The following CMSS1 variants were observed in gnomAD, a reference collection of about 807,000 sequenced individuals.
CMSS1 encodes cms1 ribosomal small subunit homolog, also known as protein CMSS1.
Under a neutral mutation model 43.5 loss-of-function variants are expected in CMSS1, and 33 were observed. The ratio of observed to expected loss-of-function variants is 0.76; its 90% CI spans 0.57 to 1.01. The LOEUF (loss-of-function observed/expected upper bound fraction) is 1.01, where lower values mean the gene tolerates loss of function less well. CMSS1 is among the 50% of genes least tolerant of loss of function. The pLI is 0.00. For missense variants in CMSS1, 313 were observed against 326.4 expected (o/e 0.96, Z 0.32); for synonymous variants, 115 against 117.2 (o/e 0.98, Z 0.12).
chr3:99,957,114 G>A (rs2107696478), intron 1 of CMSS1, among the ~76,000 whole-genome samples: 1 of 152,194 alleles, frequency 6.6e-6, no homozygotes, highest in Non-Finnish European at 1.5e-5. Flanking sequence ...GTTTATGTTT[G>A]TACATTTATT....
At chr3:100,072,448 A>G (rs1326140561) in intron 1 of CMSS1, among the ~76,000 whole-genome samples, 2 of 152,160 alleles carry the variant, frequency 1.3e-5, no homozygotes, top group Non-Finnish European at 2.9e-5. Context: ...CCCTTTCTAG[A>G]TGGCCCTTAA....
At chr3:100,063,538 C>T (rs1404801323) in intron 1 of CMSS1, among the ~76,000 whole-genome samples, 2 of 152,156 alleles carry the variant, frequency 1.3e-5, no homozygotes, top group African/African-American at 4.8e-5. Flanking sequence ...GGCTCCTAAG[C>T]TTCCATCCCA....
At position 100,070,820 on chromosome 3, in the gene CMSS1, C is replaced by T. The variant is rs553970383; in HGVS notation, c.65-76153C>T. Among the ~76,000 whole-genome samples, 15 of 152,042 alleles carry T rather than the reference C, an allele frequency of 9.9e-5. No homozygotes were observed. The South Asian group carries it at 2.3e-3, about 23-fold the overall frequency. ...CTAATTTTGTATTTTTAGTAGAGAC[C>T]GGGTCTCACCATGTTGGCCAGGATA... is the stretch of plus-strand genomic sequence containing the variant. On this transcript the variant is annotated intron_variant, in intron 1 of 9. Transcript: ENST00000421999.
chr3:99,935,718 G>C (rs575944151), intron 1 of CMSS1, among the ~76,000 whole-genome samples: 1 of 152,290 alleles, frequency 6.6e-6, no homozygotes, highest in Non-Finnish European at 1.5e-5. Flanking sequence ...GGGACTCTCT[G>C]TTGTCTTGTA....
chr3:100,172,340 G>C lies in CMSS1; in HGVS notation c.604G>C (p.Glu202Gln). The change falls in exon 8 of 10, where the codon GAG becomes CAG. Residue 202 changes from glutamate to glutamine, a missense_variant. Transcript: ENST00000421999. The stretch of plus-strand genomic sequence containing the variant: ...GGTCCAGGCGCAGGTAAAGTTGCTG[G>C]AGAAGCGTGTGGTGCACCTGGGTGT... ...IKVQAQVKLL[E>Q]KRVVHLGVGT... The C allele has an allele frequency of 6.2e-7, 1 of 1,613,894 alleles. No homozygotes were observed. Among genetic ancestry groups the C allele is most frequent in the Non-Finnish European group, 8.5e-7 (1 of 1,179,892 alleles).
rs201896358 is a variant in CMSS1 at position 99,849,593 on chromosome 3, T to C, written c.64+31550T>C. On this transcript the variant is annotated intron_variant, in intron 1 of 9. Coordinates refer to ENST00000421999, the MANE Select transcript of CMSS1 (RefSeq NM_032359.4). ...TTGAAAAGCCATTGTTCATGGCTGG[T>C]CTCTGTCTTTTCTGCTAACTTGTAC... 613 of 1,613,508 alleles carry C rather than the reference T, an allele frequency of 3.8e-4. 2 individuals are homozygous for C. The African/African-American group carries it at 7.2e-3, about 19-fold the overall frequency.
intron 1 of CMSS1, among the ~76,000 whole-genome samples, chr3:99,975,102 C>T (rs1232453804): frequency 6.6e-6 from 1 of 152,198 alleles, no homozygotes; most frequent in African/African-American, 2.4e-5. Context: ...CTAGATTAAG[C>T]CCAGTGAAGT....
intron 1 of CMSS1, among the ~76,000 whole-genome samples, chr3:99,881,056 G>A (rs1225499624): frequency 6.6e-6 from 1 of 152,080 alleles, no homozygotes; most frequent in Non-Finnish European, 1.5e-5. Flanking sequence ...CATTGCCACG[G>A]TCTTGTTCCT....
chr3:100,014,460 A>G (rs1440838855), intron 1 of CMSS1, among the ~76,000 whole-genome samples: 1 of 152,118 alleles, frequency 6.6e-6, no homozygotes, highest in Admixed American at 6.5e-5. Context: ...ATTCCCACCA[A>G]CAGTGTATAA....
chr3:99,850,604 T>A, intron 1 of CMSS1: 2 of 1,613,884 alleles, frequency 1.2e-6, no homozygotes, highest in Non-Finnish European at 1.7e-6. Flanking sequence ...CCCTTACTGA[T>A]TTTTTCTTTT....
At chr3:99,902,384 C>T (rs903734143) in intron 1 of CMSS1, among the ~76,000 whole-genome samples, 3 of 152,210 alleles carry the variant, frequency 2.0e-5, no homozygotes, top group Middle Eastern at 3.4e-3. Context: ...CTCATTTGCT[C>T]ATGTTTTACA....
At chr3:100,165,494 T>TA (rs2067058659) in intron 4 of CMSS1, among the ~76,000 whole-genome samples, 1 of 152,156 alleles carries the variant, frequency 6.6e-6, no homozygotes, top group Non-Finnish European at 1.5e-5. Flanking sequence ...AAAATGTATC[T>TA]AAAATGGCTT....
At chr3:100,108,618 G>C (rs1224378745) in intron 1 of CMSS1, among the ~76,000 whole-genome samples, 1 of 152,176 alleles carries the variant, frequency 6.6e-6, no homozygotes, top group Non-Finnish European at 1.5e-5. Context: ...CTGTATTCTA[G>C]TGGTTGGGCA....
chr3:100,088,891 G>A (rs6790535), intron 1 of CMSS1, among the ~76,000 whole-genome samples: 32,054 of 151,764 alleles, frequency 0.21, 3,513 homozygotes, highest in South Asian at 0.26. Context: ...GTAAATGTTT[G>A]TTTTTTGTTA....
At chr3:99,987,812 T>C (rs1473712876) in intron 1 of CMSS1, among the ~76,000 whole-genome samples, 1 of 152,196 alleles carries the variant, frequency 6.6e-6, no homozygotes, top group South Asian at 2.1e-4. Context: ...AAAAGAAATG[T>C]TTTTATTAAC....
rs570937911 is a variant in CMSS1 at position 100,130,200 on chromosome 3, C to G, written c.65-16773C>G. Among the ~76,000 whole-genome samples, 52 of 152,236 alleles carry G rather than the reference C, an allele frequency of 3.4e-4. 1 individual carries two copies. Among genetic ancestry groups the G allele is most frequent in the African/African-American group, 1.2e-3 (49 of 41,508 alleles). On this transcript the variant is annotated intron_variant, in intron 1 of 9. Transcript: ENST00000421999. ...AAGTGTGTCCTGTTTTATAGATAAC[C>G]CTGAACAGCTCTATTTTGATGTCTG...
chr3:99,835,174 A>T (rs1244418719), intron 1 of CMSS1, among the ~76,000 whole-genome samples: 1 of 152,180 alleles, frequency 6.6e-6, no homozygotes, highest in African/African-American at 2.4e-5. Flanking sequence ...GGTGGGAGTT[A>T]AGGCAGCTGA....
At chr3:99,938,091 G>GCGCGCA (rs1491105137) in intron 1 of CMSS1, among the ~76,000 whole-genome samples, 6 of 150,354 alleles carry the variant, frequency 4.0e-5, no homozygotes, top group African/African-American at 1.5e-4. Flanking sequence ...GCGCGCGCGC[G>GCGCGCA]TGCATGCACA....
chr3:100,173,586 A>C (rs1576122478), intron 8 of CMSS1, among the ~76,000 whole-genome samples: 3 of 152,330 alleles, frequency 2.0e-5, no homozygotes, highest in South Asian at 4.1e-4. Flanking sequence ...TAAGTCCTAC[A>C]AGAGTTGAAA....
Sources: gnomAD v4.1 joint callset for allele counts (sites outside exome capture counted in the v4.1 genomes callset) on GRCh38, gnomAD v4.1.1 for gene constraint, MANE v1.5 for transcripts, NCBI Gene and HGNC (gene_info 2026-07-23, HGNC 2026-07-21) for gene names.